NTM: variants seen among roughly 807,000 people sequenced by gnomAD.
The protein encoded by NTM is neurotrimin.
In NTM, 13 loss-of-function variants were observed where a neutral mutation model predicts 42.1. The ratio of observed to expected loss-of-function variants is 0.31; its 90% CI spans 0.20 to 0.49. NTM has a LOEUF of 0.49. Ranked by LOEUF, NTM falls within the 20% of genes least tolerant of loss-of-function variation. The pLI, the probability that NTM is intolerant of heterozygous loss-of-function variation, is 0.99. For synonymous variants in NTM, 187 were observed against 179.2 expected, an observed-to-expected ratio of 1.04 and a Z score of -0.35; for missense variants, 373 against 452.8, an observed-to-expected ratio of 0.82 and a Z score of 1.60.
chr11:131,566,277 CTG>C (rs1461968105), intron 1 of NTM, among the ~76,000 whole-genome samples: 1 of 152,164 alleles, frequency 6.6e-6, no homozygotes, highest in Admixed American at 6.5e-5. Context: ...ATGCATTTGT[CTG>C]TTCTTGCTCG....
chr11:132,319,193 G>A (rs117312247), intron 7 of NTM, among the ~76,000 whole-genome samples: 2,587 of 152,294 alleles, frequency 0.017, 41 homozygotes, highest in Middle Eastern at 0.068. Context: ...CAGTGTGAGC[G>A]ACGCAAAAGA....
chr11:131,484,872 T>C (rs1044114769), intron 1 of NTM, among the ~76,000 whole-genome samples: 10 of 152,168 alleles, frequency 6.6e-5, no homozygotes, highest in African/African-American at 1.9e-4. Flanking sequence ...GAAATTATGA[T>C]AGTCAAACAG....
intron 1 of NTM, among the ~76,000 whole-genome samples, chr11:131,809,975 T>G (rs1309094301): frequency 6.6e-6 from 1 of 152,226 alleles, no homozygotes; most frequent in Non-Finnish European, 1.5e-5. Context: ...CATTGTGAAC[T>G]TATCACTCTT....
At chr11:131,493,029 G>T (rs888262451) in intron 1 of NTM, among the ~76,000 whole-genome samples, 2 of 151,920 alleles carry the variant, frequency 1.3e-5, no homozygotes, top group African/African-American at 4.8e-5. Flanking sequence ...ACCAGCCTGG[G>T]CAACACGGTG....
chr11:132,167,261 G>A lies in NTM; in HGVS notation c.400+20747G>A, dbSNP rs189228305. Among the ~76,000 whole-genome samples, 70 of 152,146 alleles carry A rather than the reference G, an allele frequency of 4.6e-4. 1 individual carries two copies. The East Asian group carries it at 0.011, about 25-fold the overall frequency. On this transcript the variant is annotated intron_variant, in intron 3 of 8. Transcript: ENST00000683400. ...ATTTTTTATTTGTTTTGTAGAGATG[G>A]GATCTTGTTAGGTTGCCCAGGCTGG...
chr11:132,317,623 T>A, intron 7 of NTM: 1 of 1,287,302 alleles, frequency 7.8e-7, no homozygotes, highest in Non-Finnish European at 1.0e-6. Flanking sequence ...TGTTCTCATT[T>A]TTCTCTCCTG....
At chr11:131,654,433 G>A (rs1436187492) in intron 1 of NTM, among the ~76,000 whole-genome samples, 4 of 152,004 alleles carry the variant, frequency 2.6e-5, no homozygotes, top group East Asian at 3.9e-4. Context: ...GTCCAGTCCC[G>A]ACAGGTTTTT....
intron 2 of NTM, among the ~76,000 whole-genome samples, chr11:132,012,854 C>T (rs890086021): frequency 1.8e-4 from 27 of 152,210 alleles, no homozygotes; most frequent in South Asian, 4.1e-4. Context: ...ATTCAGAATA[C>T]GCATCAGGAA....
chr11:132,191,100 C>A (rs1370391765), intron 3 of NTM, among the ~76,000 whole-genome samples: 1 of 152,140 alleles, frequency 6.6e-6, no homozygotes, highest in Non-Finnish European at 1.5e-5. Flanking sequence ...AGGTCAGTGT[C>A]CACAAAACTA....
chr11:132,145,569 TAAAAG>T (rs2070203042), intron 2 of NTM, among the ~76,000 whole-genome samples: 1 of 152,144 alleles, frequency 6.6e-6, no homozygotes, highest in Non-Finnish European at 1.5e-5. Context: ...GATGCAAAAA[TAAAAG>T]AAAGAAAATC....
chr11:131,642,446 A>G (rs1189053770), intron 1 of NTM, among the ~76,000 whole-genome samples: 2 of 152,158 alleles, frequency 1.3e-5, no homozygotes, highest in Non-Finnish European at 2.9e-5. Flanking sequence ...CTCAGGTATC[A>G]CTCTGGAATT....
At chr11:131,923,323 G>C (rs150654885) in intron 2 of NTM, among the ~76,000 whole-genome samples, 31 of 152,288 alleles carry the variant, frequency 2.0e-4, no homozygotes, top group African/African-American at 7.0e-4. Context: ...TCTATTACAG[G>C]ATATTTGTTG....
rs554628809 is a variant in NTM at position 131,649,672 on chromosome 11, G to C, written c.83-261892G>C. Among the ~76,000 whole-genome samples, 45 of 152,266 alleles carry C rather than the reference G, an allele frequency of 3.0e-4. 1 individual carries two copies. Among genetic ancestry groups the C allele is most frequent in the Non-Finnish European group, 5.1e-4 (35 of 68,012 alleles). Reference sequence around the variant, plus strand: ...ACTCTGTATGTGTGTGTTTGGGTGGGGGGAGGCGGTGCATGTAGTTTAAGC... The same window carrying C: ...ACTCTGTATGTGTGTGTTTGGGTGGCGGGAGGCGGTGCATGTAGTTTAAGC... On this transcript the variant is annotated intron_variant, in intron 1 of 8. Coordinates refer to ENST00000683400, the MANE Select transcript of NTM (RefSeq NM_001352005.2).
intron 1 of NTM, among the ~76,000 whole-genome samples, chr11:131,451,888 A>G: frequency 6.6e-6 from 1 of 152,256 alleles, no homozygotes; most frequent in South Asian, 2.1e-4. Flanking sequence ...TGAAGGCATC[A>G]GGCTCTGGCC....
chr11:131,730,094 AC>A (rs2079452640), intron 1 of NTM, among the ~76,000 whole-genome samples: 2 of 152,260 alleles, frequency 1.3e-5, no homozygotes, highest in African/African-American at 4.8e-5. Context: ...CCTTGCCAGC[AC>A]TTGTTAGTGT....
At chr11:131,623,678 C>G (rs1391226112) in intron 1 of NTM, among the ~76,000 whole-genome samples, 1 of 152,212 alleles carries the variant, frequency 6.6e-6, no homozygotes, top group African/African-American at 2.4e-5. Flanking sequence ...CCTGGAGTGA[C>G]CCCCGCAGAT....
intron 1 of NTM, among the ~76,000 whole-genome samples, chr11:131,736,072 A>T (rs1157377181): frequency 6.6e-6 from 1 of 151,950 alleles, no homozygotes; most frequent in Admixed American, 6.6e-5. Context: ...GCCTCAAGTG[A>T]TCCTCCCGTC....
intron 1 of NTM, among the ~76,000 whole-genome samples, chr11:131,810,012 T>A (rs2092673607): frequency 6.6e-6 from 1 of 152,236 alleles, no homozygotes; most frequent in South Asian, 2.1e-4. Flanking sequence ...TCCCTCCAGA[T>A]GGGGATCTGT....
At chr11:131,423,631 G>A (rs750063549) in intron 1 of NTM, among the ~76,000 whole-genome samples, 28 of 152,190 alleles carry the variant, frequency 1.8e-4, no homozygotes, top group Non-Finnish European at 3.7e-4. Context: ...AAAGGGCTTG[G>A]TGCTTGCCTG....
Sources: allele counts gnomAD v4.1 joint callset (sites outside exome capture counted in the v4.1 genomes callset), GRCh38; gene constraint gnomAD v4.1.1; transcripts MANE v1.5; gene names NCBI Gene and HGNC (gene_info 2026-07-23, HGNC 2026-07-21).